Variants in DOCK3 observed in about 807,000 individuals in gnomAD.
The protein encoded by DOCK3 is dedicator of cytokinesis protein 3.
In DOCK3, 60 loss-of-function variants were observed where a neutral mutation model predicts 265.6. The ratio of observed to expected loss-of-function variants is 0.23; its 90% confidence interval spans 0.18 to 0.28. The LOEUF is 0.28. Among genes scored for constraint, DOCK3 ranks in the 10% least tolerant of loss-of-function variants. The pLI is 1.00. For synonymous variants in DOCK3, 881 were observed against 938.0 expected, an observed-to-expected ratio of 0.94 and a Z score of 1.11; for missense variants, 1,981 against 2,594.3, an observed-to-expected ratio of 0.76 and a Z score of 5.14.
intron 1 of DOCK3, among the ~76,000 whole-genome samples, chr3:50,749,665 T>A (rs1289173256): frequency 1.3e-5 from 2 of 152,144 alleles, no homozygotes; most frequent in Non-Finnish European, 2.9e-5. Context: ...TAGAGACTCC[T>A]TATCATCTAG....
At chr3:51,110,949 A>C (rs1359397452) in intron 9 of DOCK3, among the ~76,000 whole-genome samples, 1 of 152,204 alleles carries the variant, frequency 6.6e-6, no homozygotes, top group Admixed American at 6.5e-5. Flanking sequence ...TCGGCCCAAA[A>C]GCTCCTTAAG....
At chr3:51,207,997 G>C (rs1029756493) in intron 12 of DOCK3, among the ~76,000 whole-genome samples, 1 of 152,158 alleles carries the variant, frequency 6.6e-6, no homozygotes, top group African/African-American at 2.4e-5. Flanking sequence ...CCTAAACTTT[G>C]TTCCAAATGG....
intron 5 of DOCK3, among the ~76,000 whole-genome samples, chr3:51,036,045 T>C (rs115831897): frequency 0.012 from 1,757 of 152,302 alleles, 29 homozygotes; most frequent in African/African-American, 0.04. Flanking sequence ...ACAGTAGATG[T>C]CCTTAGGGCA....
intron 27 of DOCK3, among the ~76,000 whole-genome samples, chr3:51,303,633 CTGTT>C (rs2082479609): frequency 6.6e-6 from 1 of 152,136 alleles, no homozygotes; most frequent in Non-Finnish European, 1.5e-5. Context: ...TTGTTGCTTT[CTGTT>C]TGTTTTTCTT....
chr3:51,363,129 G>A (rs777822235), intron 49 of DOCK3, among the ~76,000 whole-genome samples: 4 of 152,188 alleles, frequency 2.6e-5, no homozygotes, highest in Non-Finnish European at 5.9e-5. Context: ...GTTGGGAAAG[G>A]CTTTCTCAGG....
intron 3 of DOCK3, among the ~76,000 whole-genome samples, chr3:50,885,959 GA>G (rs971553237): frequency 4.6e-5 from 7 of 152,118 alleles, no homozygotes; most frequent in African/African-American, 1.7e-4. Context: ...TTAATAGGAT[GA>G]CCTTTTCCTG....
intron 5 of DOCK3, among the ~76,000 whole-genome samples, chr3:50,946,999 TAAC>T (rs2076445704): frequency 1.3e-5 from 2 of 152,140 alleles, no homozygotes; most frequent in South Asian, 2.1e-4. Context: ...TAAATCCTGT[TAAC>T]AACAGGATAA....
At chr3:50,860,810 T>A (rs1225606021) in intron 3 of DOCK3, among the ~76,000 whole-genome samples, 1 of 152,108 alleles carries the variant, frequency 6.6e-6, no homozygotes, top group Non-Finnish European at 1.5e-5. Context: ...TCCAAGCCAG[T>A]GGGTCTTATC....
At chr3:51,152,050 A>G (rs2085626095) in intron 10 of DOCK3, among the ~76,000 whole-genome samples, 1 of 152,116 alleles carries the variant, frequency 6.6e-6, no homozygotes, top group Non-Finnish European at 1.5e-5. Flanking sequence ...CTGCCTTGCT[A>G]GGTTGGGGAA....
At chr3:50,760,155 A>AT (rs903433919) in intron 1 of DOCK3, among the ~76,000 whole-genome samples, 9 of 151,840 alleles carry the variant, frequency 5.9e-5, no homozygotes, top group Admixed American at 6.6e-5. Flanking sequence ...TCTTTGAGCC[A>AT]TTTTTAGTTC....
intron 48 of DOCK3, 48 bp from the exon 49 acceptor site, chr3:51,362,479 G>T: frequency 6.2e-7 from 1 of 1,612,732 alleles, no homozygotes; most frequent in African/African-American, 1.3e-5. Flanking sequence ...CAGCCCTAAA[G>T]TCCTGGCCAT....
chr3:51,216,634 G>A (rs1257598749), intron 14 of DOCK3, among the ~76,000 whole-genome samples: 3 of 152,170 alleles, frequency 2.0e-5, no homozygotes, highest in Non-Finnish European at 2.9e-5. Context: ...CCACTCCCAG[G>A]GTTGTGGGCT....
intron 49 of DOCK3, among the ~76,000 whole-genome samples, chr3:51,368,159 C>G (rs550307280): frequency 6.6e-6 from 1 of 152,286 alleles, no homozygotes; most frequent in African/African-American, 2.4e-5. Flanking sequence ...GTGACTGACA[C>G]AGAAGACAGG....
intron 35 of DOCK3, among the ~76,000 whole-genome samples, chr3:51,336,323 C>T (rs1036615736): frequency 8.6e-5 from 13 of 151,432 alleles, no homozygotes; most frequent in Admixed American, 1.3e-4. Context: ...GAAGCAGAGC[C>T]CTAGAAGGGT....
intron 2 of DOCK3, among the ~76,000 whole-genome samples, chr3:50,788,917 G>T (rs2042326580): frequency 6.6e-6 from 1 of 152,198 alleles, no homozygotes; most frequent in African/African-American, 2.4e-5. Context: ...TCTTTTCAAA[G>T]AACGAGGTTT....
chr3:50,829,652 T>C (rs552731462), intron 2 of DOCK3, among the ~76,000 whole-genome samples: 2 of 152,314 alleles, frequency 1.3e-5, no homozygotes, highest in East Asian at 3.9e-4. Flanking sequence ...GTGTCTGAAG[T>C]TCTGTCGAGG....
chr3:50,821,140 C>CTTTTTT (rs771111717), intron 2 of DOCK3, among the ~76,000 whole-genome samples: 54 of 119,438 alleles, frequency 4.5e-4, no homozygotes, highest in South Asian at 8.1e-4. Flanking sequence ...TTTCTTTTTT[C>CTTTTTT]TTTTTTTTTT....
At chr3:50,874,530 C>A (rs79364187) in intron 3 of DOCK3, among the ~76,000 whole-genome samples, 12 of 122,332 alleles carry the variant, frequency 9.8e-5, no homozygotes, top group Non-Finnish European at 1.4e-4. Flanking sequence ...AAAAAAAAAA[C>A]AAAAAAAGTA....
intron 32 of DOCK3, among the ~76,000 whole-genome samples, chr3:51,318,959 T>G (rs2083520529): frequency 6.6e-6 from 1 of 152,114 alleles, no homozygotes. Flanking sequence ...TTTTGCAGAT[T>G]CCTTGGGATT....
Sources: gnomAD v4.1 joint callset for allele counts (sites outside exome capture counted in the v4.1 genomes callset) on GRCh38, gnomAD v4.1.1 for gene constraint, MANE v1.5 for transcripts, NCBI Gene and HGNC (gene_info 2026-07-23, HGNC 2026-07-21) for gene names.